TIRAP: variants seen among roughly 807,000 people sequenced by gnomAD.
TIRAP encodes TIR domain containing adaptor protein.
A neutral mutation model predicts 19.8 loss-of-function variants in TIRAP; 20 were observed. The observed-to-expected ratio is 1.01, with a 90% CI of 0.71 to 1.47. The LOEUF is 1.47. Among genes scored for constraint, TIRAP ranks in the 40% most tolerant of loss-of-function variants. TIRAP has a pLI of 0.00. For missense variants in TIRAP, 276 were observed against 285.1 expected, an observed-to-expected ratio of 0.97 and a Z score of 0.23; for synonymous variants, 125 against 121.7, an observed-to-expected ratio of 1.03 and a Z score of -0.18.
chr11:126,290,471 A>AG lies in TIRAP; in HGVS notation c.-205dup, dbSNP rs1200511344. Reference sequence around the variant, plus strand: ...TCTTCTGCCATTTCAGGCCTTACATAGGAAGTCCTTCTAAAGAGCTGCCTG... The same window carrying AG: ...TCTTCTGCCATTTCAGGCCTTACATAGGGAAGTCCTTCTAAAGAGCTGCCTG... On this transcript the variant is annotated 5_prime_UTR_variant, in exon 2 of 5. Coordinates refer to ENST00000392679, the MANE Select transcript of TIRAP (RefSeq NM_001318777.2). This position sits in a 1 kb window ranked among gnomAD's most constrained non-coding sequence, Gnocchi z 4.9. The AG allele has an allele frequency of 1.0e-6, 1 of 994,174 alleles. No individual in the cohort carries two copies. Among genetic ancestry groups the AG allele is most frequent in the Non-Finnish European group, 1.2e-6 (1 of 836,030 alleles). The allele number at this position is 994,174 out of a possible 1,614,324, so 61.6% of individuals were successfully genotyped here.
chr11:126,283,482 C>T (rs531750429), intron 1 of TIRAP, among the ~76,000 whole-genome samples: 3 of 152,374 alleles, frequency 2.0e-5, no homozygotes, highest in African/African-American at 7.2e-5. Flanking sequence ...GATATCGTTT[C>T]TCCTCACGTT....
Position 126,291,713 on chromosome 11 carries a change from C to T in TIRAP, c.67+752C>T, listed in dbSNP as rs902705984. The stretch of plus-strand genomic sequence containing the variant: ...TTCCTTCCTGTATACGTAGCCCTTC[C>T]TAATCTAAGTCCACCTCCCCTCAGT... On this transcript the variant is annotated intron_variant, in intron 3 of 4. Transcript: ENST00000392679. This position sits in a 1 kb window ranked among gnomAD's most constrained non-coding sequence, Gnocchi z 5.6. 2.7e-6 allele frequency: 1 copy of T among 364,686 alleles called. No individual in the cohort carries two copies. The highest frequency in any genetic ancestry group is 5.5e-6 in the Non-Finnish European group (1 of 182,870). 22.6% of individuals were successfully genotyped at this position (364,686 alleles called of 1,614,324 possible). A position where few individuals can be genotyped will look rare whatever the true frequency, so the allele number is the denominator to read the frequency against.
intron 1 of TIRAP, among the ~76,000 whole-genome samples, chr11:126,284,577 G>A (rs1332864585): frequency 6.6e-6 from 1 of 151,916 alleles, no homozygotes; most frequent in Non-Finnish European, 1.5e-5. Context: ...GTAAGCAGGC[G>A]GGGAACAGTG....
chr11:126,293,074 GA>G lies in TIRAP; in HGVS notation c.646+20del, dbSNP rs1165918779. 6.2e-7 allele frequency: 1 copy of G among 1,614,082 alleles called. No individual in the cohort carries two copies. The highest frequency in any genetic ancestry group is 1.7e-5 in the Admixed American group (1 of 60,028). The stretch of plus-strand genomic sequence containing the variant: ...ATGCGTTGTAAGCTACTACAGGAGG[GA>G]GAAGGGGAACGGGATTCAGCTACAG... On this transcript the variant is annotated intron_variant, in intron 4 of 4. Transcript: ENST00000392679.
In TIRAP at chr11:126,290,123, A is replaced by T. The variant is rs940865768; in HGVS notation, c.-216-339A>T. Among the ~76,000 whole-genome samples the T allele has an allele frequency of 4.6e-5, 7 of 152,218 alleles. No homozygotes were observed. Among genetic ancestry groups the T allele is most frequent in the Non-Finnish European group, 7.3e-5 (5 of 68,040 alleles). On this transcript the variant is annotated intron_variant, in intron 1 of 4. Transcript: ENST00000392679. This position sits in a 1 kb window ranked among gnomAD's most constrained non-coding sequence, Gnocchi z 4.9. ...GGACTTTACATAAATGATTTCATTT[A>T]ATCTTCACAATAATGCTGAGAAGGA...
At chr11:126,284,600 A>C (rs1189911026) in intron 1 of TIRAP, among the ~76,000 whole-genome samples, 1 of 152,030 alleles carries the variant, frequency 6.6e-6, no homozygotes, top group African/African-American at 2.4e-5. Context: ...TCACACCTGT[A>C]ATCCCAGCAC....
intron 3 of TIRAP, among the ~76,000 whole-genome samples, chr11:126,292,276 C>T (rs1951399207): frequency 7.1e-6 from 1 of 141,552 alleles, no homozygotes; most frequent in South Asian, 2.2e-4. Context: ...TGTACTCCAG[C>T]CTGGGTGAGA....
rs1951382115 is a variant in TIRAP at position 126,291,324 on chromosome 11, C to A, written c.67+363C>A. 1.4e-6 allele frequency: 1 copy of A among 692,510 alleles called. No homozygotes were observed. The highest frequency in any genetic ancestry group is 1.8e-5 in the African/African-American group (1 of 54,806). The allele number at this position is 692,510 out of a possible 1,614,324, so 42.9% of individuals were successfully genotyped here. On this transcript the variant is annotated intron_variant, in intron 3 of 4. Transcript: ENST00000392679. The surrounding 1 kb of genome is among the most constrained non-coding windows in gnomAD (Gnocchi z 5.6). ...AGAGAGAAAATGAATCAATCCCCACCACAACTATCTGTCCTTATCAAAGGC... is the reference window on the plus strand; with the variant it reads ...AGAGAGAAAATGAATCAATCCCCACAACAACTATCTGTCCTTATCAAAGGC...
chr11:126,283,205 G>C, intron 1 of TIRAP, 52 bp downstream of exon 1: 2 of 940,746 alleles, frequency 2.1e-6, no homozygotes, highest in Non-Finnish European at 2.5e-6. Context: ...GGGGCTCCGT[G>C]GGGTGGGCGA....
At position 126,287,541 on chromosome 11, in the gene TIRAP, A is replaced by G. The variant is rs1168608597; in HGVS notation, c.-216-2921A>G. Among the ~76,000 whole-genome samples the G allele has an allele frequency of 6.6e-6, 1 of 151,840 alleles. No homozygotes were observed. Among genetic ancestry groups the G allele is most frequent in the Non-Finnish European group, 1.5e-5 (1 of 67,968 alleles). ...TCACCATGTTGGCCAGGCTGATCTC[A>G]AATTCCTGACCTCATGATCCGCCCA... is the stretch of plus-strand genomic sequence containing the variant. On this transcript the variant is annotated intron_variant, in intron 1 of 4. Coordinates refer to ENST00000392679, the MANE Select transcript of TIRAP (RefSeq NM_001318777.2). This position sits in a 1 kb window ranked among gnomAD's most constrained non-coding sequence, Gnocchi z 4.2.
Position 126,293,410 on chromosome 11 carries a change from T to C in TIRAP, c.647-258T>C, listed in dbSNP as rs147709707. On this transcript the variant is annotated intron_variant, in intron 4 of 4. Transcript: ENST00000392679. ...TAATAGCTAGTAGTAGTAACAGTAA[T>C]AGCATTAGGTTTCTCTGAGATCAGG... 6.4e-5 allele frequency: 45 copies of C among 704,584 alleles called. 1 individual carries two copies. Among genetic ancestry groups the C allele is most frequent in the African/African-American group, 4.9e-4 (28 of 57,398 alleles). The allele number at this position is 704,584 out of a possible 1,614,324, so 43.6% of individuals were successfully genotyped here. A position where few individuals can be genotyped will look rare whatever the true frequency, so the allele number is the denominator to read the frequency against.
Position 126,289,558 on chromosome 11 carries a change from G to A in TIRAP, c.-216-904G>A, listed in dbSNP as rs139545965. 91 of 745,964 alleles carry A rather than the reference G, an allele frequency of 1.2e-4. No individual in the cohort carries two copies. In the East Asian group the frequency reaches 3.8e-3, roughly 31 times the overall value. The allele number at this position is 745,964 out of a possible 1,614,324, so 46.2% of individuals were successfully genotyped here. On this transcript the variant is annotated intron_variant, in intron 1 of 4. Transcript: ENST00000392679. ...CTCCCAAAATGCTAGGATTACAGGC[G>A]TGAGCCATTGTGCCTGGCCACATTC...
intron 4 of TIRAP, 120 bp downstream of exon 4, chr11:126,293,175 G>T (rs1951429590): frequency 1.3e-6 from 2 of 1,552,094 alleles, no homozygotes; most frequent in Non-Finnish European, 1.7e-6. Context: ...GGAAAAGGCT[G>T]TCGGGGTTTG....
At position 126,292,926 on chromosome 11, in the gene TIRAP, G is replaced by A; in HGVS notation, c.517G>A (p.Gly173Ser). 6.2e-7 allele frequency: 1 copy of A among 1,613,982 alleles called. No homozygotes were observed. The highest frequency in any genetic ancestry group is 8.5e-7 in the Non-Finnish European group (1 of 1,179,980). ...QALTEAPGAE[G>S]CTIPLLSGLS... ...CCTGACCGAGGCTCCAGGGGCCGAG[G>A]GCTGCACCATCCCCCTGCTGTCGGG... Residue 173 changes from glycine to serine, a missense_variant, in exon 4 of 5, where the codon GGC becomes AGC. Coordinates refer to ENST00000392679, the MANE Select transcript of TIRAP (RefSeq NM_001318777.2).
intron 1 of TIRAP, among the ~76,000 whole-genome samples, chr11:126,285,261 A>ATATATATATATATATATATT (rs776825456): frequency 2.0e-5 from 1 of 51,262 alleles, no homozygotes; most frequent in Non-Finnish European, 4.9e-5. Context: ...ATATATATAT[A>ATATATATATATATATATATT]ATATATATTT....
At position 126,293,744 on chromosome 11, in the gene TIRAP, A is replaced by G. The variant is rs750111581; in HGVS notation, c.*57A>G. 22 of 1,590,398 alleles carry G rather than the reference A, an allele frequency of 1.4e-5. No individual in the cohort carries two copies. The highest frequency in any genetic ancestry group is 1.7e-5 in the Non-Finnish European group (20 of 1,158,582). ...GAGTGAAGCTAGAAACAGAAAACCC[A>G]TGCAGGGCCTCGGATTCCCACAAAT... On this transcript the variant is annotated 3_prime_UTR_variant, in exon 5 of 5. Coordinates refer to ENST00000392679, the MANE Select transcript of TIRAP (RefSeq NM_001318777.2).
rs766912332 is a variant in TIRAP at position 126,287,562 on chromosome 11, G to A, written c.-216-2900G>A. On this transcript the variant is annotated intron_variant, in intron 1 of 4. Coordinates refer to ENST00000392679, the MANE Select transcript of TIRAP (RefSeq NM_001318777.2). The surrounding 1 kb of genome is among the most constrained non-coding windows in gnomAD (Gnocchi z 4.2). ...TCTCAAATTCCTGACCTCATGATCC[G>A]CCCACCTCGGCCTCCCAAAGTGCTG... Among the ~76,000 whole-genome samples, 12 of 151,820 alleles carry A rather than the reference G, an allele frequency of 7.9e-5. No individual in the cohort carries two copies. Among genetic ancestry groups the A allele is most frequent in the South Asian group, 2.1e-4 (1 of 4,818 alleles).
intron 4 of TIRAP, 48 bp from the exon 5 acceptor site, chr11:126,293,620 G>A: frequency 1.2e-6 from 2 of 1,609,648 alleles, no homozygotes; most frequent in Non-Finnish European, 1.7e-6. Context: ...GGGGAAAACA[G>A]ATGCTGGGTT....
At chr11:126,283,315 C>G (rs1484865425) in intron 1 of TIRAP, among the ~76,000 whole-genome samples, 162 bp downstream of exon 1, 1 of 152,136 alleles carries the variant, frequency 6.6e-6, no homozygotes, top group African/African-American at 2.4e-5. Context: ...GCGGCACATC[C>G]GCTTCCCTTC....
Sources: gnomAD v4.1 joint callset for allele counts (sites outside exome capture counted in the v4.1 genomes callset) on GRCh38, gnomAD v4.1.1 for gene constraint, Gnocchi (gnomAD v3.1) non-coding constraint, MANE v1.5 for transcripts, NCBI Gene and HGNC (gene_info 2026-07-23, HGNC 2026-07-21) for gene names.